The following SBNO1 variants were observed in gnomAD, a reference collection of about 807,000 sequenced individuals.
SBNO1 encodes the protein strawberry notch homolog 1.
A neutral mutation model predicts 173.6 loss-of-function variants in SBNO1; 23 were observed. The ratio of observed to expected loss-of-function variants is 0.13; its 90% CI spans 0.10 to 0.19. The LOEUF is 0.19. Ranked by LOEUF, SBNO1 falls within the 10% of genes least tolerant of loss-of-function variation. The probability of loss-of-function intolerance (pLI) is 1.00; values close to 1 mark genes in which losing one functional copy is unlikely to be tolerated. For synonymous variants in SBNO1, 632 were observed against 571.5 expected (o/e 1.11, Z -1.51); for missense variants, 1,238 against 1,671.2 (o/e 0.74, Z 4.52).
intron 31 of SBNO1, among the ~76,000 whole-genome samples, chr12:123,296,563 T>G (rs983125995): frequency 2.2e-4 from 34 of 151,422 alleles, no homozygotes; most frequent in Admixed American, 1.3e-4. Flanking sequence ...GTGTTTTTTT[T>G]TTTGTTTTTT....
Position 123,364,693 on chromosome 12 carries a change from G to C in SBNO1, c.-1+8C>G, listed in dbSNP as rs1034377535. ...TGGAAGGAGAAAAGGGCCAAGGGAA[G>C]GACTTACTTTCCCCGCGGGACCCGG... is the stretch of plus-strand genomic sequence containing the variant. On this transcript the variant is annotated splice_region_variant and intron_variant, in intron 1 of 31. Coordinates refer to ENST00000602398, the MANE Select transcript of SBNO1 (RefSeq NM_001167856.3). 2.0e-5 allele frequency: 20 copies of C among 983,886 alleles called. No individual in the cohort carries two copies. The highest frequency in any genetic ancestry group is 2.4e-5 in the Non-Finnish European group (20 of 828,656). 60.9% of individuals were successfully genotyped at this position (983,886 alleles called of 1,614,324 possible). A position where few individuals can be genotyped will look rare whatever the true frequency, so the allele number is the denominator to read the frequency against.
chr12:123,335,207 G>A (rs1024227725), intron 6 of SBNO1, among the ~76,000 whole-genome samples: 13 of 152,218 alleles, frequency 8.5e-5, no homozygotes, highest in Non-Finnish European at 2.9e-5. Context: ...GGGAGGCCAA[G>A]GTGGGTGGAT....
chr12:123,329,372 A>C (rs549989890), intron 9 of SBNO1, among the ~76,000 whole-genome samples: 11 of 144,658 alleles, frequency 7.6e-5, no homozygotes, highest in African/African-American at 3.0e-4. Context: ...CAGAGCTGAG[A>C]TCTTTTTTTT....
chr12:123,311,706 ATCTATCTATCTATC>A (rs1320301286), intron 24 of SBNO1, among the ~76,000 whole-genome samples: 2 of 60,936 alleles, frequency 3.3e-5, no homozygotes, highest in Admixed American at 1.6e-4. Context: ...CTATCTATCT[ATCTATCTATCTATC>A]TATATATATA....
At chr12:123,302,211 G>GCTTA (rs1337260382) in intron 30 of SBNO1, among the ~76,000 whole-genome samples, 1 of 150,626 alleles carries the variant, frequency 6.6e-6, no homozygotes, top group Non-Finnish European at 1.5e-5. Flanking sequence ...GGGATTACAG[G>GCTTA]CGTAAGCCAC....
In SBNO1 at chr12:123,290,442, A is replaced by C. The variant is rs1402265822; in HGVS notation, c.*5466T>G. 2.0e-5 allele frequency: 3 copies of C among 152,238 alleles called. No individual in the cohort carries two copies. Among genetic ancestry groups the C allele is most frequent in the Admixed American group, 6.5e-5 (1 of 15,284 alleles). The allele number at this position is 152,238 out of a possible 1,614,324, so 9.4% of individuals were successfully genotyped here. ...TACAGGTGCAAAATTGTGAACAAAT[A>C]CCCAATGTCTGCCTCCCGGGTGCTC... On this transcript the variant is annotated 3_prime_UTR_variant, in exon 32 of 32. Coordinates refer to ENST00000602398, the MANE Select transcript of SBNO1 (RefSeq NM_001167856.3).
At position 123,291,262 on chromosome 12, in the gene SBNO1, T is replaced by G. The variant is rs983184231; in HGVS notation, c.*4646A>C. 6.6e-6 allele frequency: 1 copy of G among 152,210 alleles called. No homozygotes were observed. The highest frequency in any genetic ancestry group is 2.4e-5 in the African/African-American group (1 of 41,456). 9.4% of individuals were successfully genotyped at this position (152,210 alleles called of 1,614,324 possible). ...AGGCCAGAAACCACTGTTTCAAATCTGCAAGATTTTCCTATCAGGTGGGAA... is the reference window on the plus strand; with the variant it reads ...AGGCCAGAAACCACTGTTTCAAATCGGCAAGATTTTCCTATCAGGTGGGAA... On this transcript the variant is annotated 3_prime_UTR_variant, in exon 32 of 32. Transcript: ENST00000602398.
At position 123,320,483 on chromosome 12, in the gene SBNO1, A is replaced by G. The variant is rs1869825103; in HGVS notation, c.2616T>C (p.Asn872=). Reference sequence around the variant, plus strand: ...GTTCATCGATAAGTTCATCCAGGGTATTAGGGGGGAGGTCTTCAGCTAATT... The same window carrying G: ...GTTCATCGATAAGTTCATCCAGGGTGTTAGGGGGGAGGTCTTCAGCTAATT... The part of the protein sequence containing the change: ...LEKLAEDLPP[N]TLDELIDELG... The change falls in exon 19 of 32, where the codon AAT becomes AAC. Residue 872 remains asparagine (N), a synonymous_variant. Coordinates refer to ENST00000602398, the MANE Select transcript of SBNO1 (RefSeq NM_001167856.3). The G allele has an allele frequency of 6.2e-7, 1 of 1,614,016 alleles. No homozygotes were observed. Among genetic ancestry groups the G allele is most frequent in the South Asian group, 1.1e-5 (1 of 91,066 alleles).
chr12:123,326,738 C>T (rs1870651517), intron 13 of SBNO1, among the ~76,000 whole-genome samples: 1 of 152,072 alleles, frequency 6.6e-6, no homozygotes, highest in African/African-American at 2.4e-5. Context: ...TCAGGCTGGG[C>T]AACACTGTAA....
chr12:123,331,096 G>A (rs1056445095), intron 8 of SBNO1, 146 bp downstream of exon 8: 9 of 669,094 alleles, frequency 1.3e-5, no homozygotes, highest in Non-Finnish European at 2.2e-5. Context: ...CTGAGTAGCT[G>A]GGACTACAGG....
chr12:123,299,780 G>A (rs778502638), intron 30 of SBNO1, among the ~76,000 whole-genome samples: 6 of 152,022 alleles, frequency 3.9e-5, no homozygotes, highest in Admixed American at 6.6e-5. Context: ...TTGAACCTGG[G>A]AGGCAGAAGG....
intron 6 of SBNO1, among the ~76,000 whole-genome samples, chr12:123,335,236 C>T (rs759128270): frequency 2.6e-5 from 4 of 152,116 alleles, no homozygotes; most frequent in Admixed American, 6.6e-5. Context: ...GTCAGGCATT[C>T]GAGACCAGCC....
At position 123,295,485 on chromosome 12, in the gene SBNO1, C is replaced by T. The variant is rs745906609; in HGVS notation, c.*423G>A. The T allele has an allele frequency of 1.9e-5, 3 of 154,828 alleles. No homozygotes were observed. The highest frequency in any genetic ancestry group is 4.3e-5 in the Non-Finnish European group (3 of 69,966). 9.6% of individuals were successfully genotyped at this position (154,828 alleles called of 1,614,324 possible). A position where few individuals can be genotyped will look rare whatever the true frequency, so the allele number is the denominator to read the frequency against. Reference sequence around the variant, plus strand: ...TTTATAGACTCAAAACACATGCATCCGGGGATACCTCCCACAGCAATGGCA... The same window carrying T: ...TTTATAGACTCAAAACACATGCATCTGGGGATACCTCCCACAGCAATGGCA... On this transcript the variant is annotated 3_prime_UTR_variant, in exon 32 of 32. Transcript: ENST00000602398.
intron 1 of SBNO1, among the ~76,000 whole-genome samples, chr12:123,352,410 G>A (rs1319540895): frequency 6.6e-6 from 1 of 151,478 alleles, no homozygotes; most frequent in Non-Finnish European, 1.5e-5. Flanking sequence ...CTCCCGGGCT[G>A]ATGCTCCTGC....
chr12:123,347,350 C>T (rs1054851416), intron 3 of SBNO1, among the ~76,000 whole-genome samples: 1 of 151,530 alleles, frequency 6.6e-6, no homozygotes, highest in African/African-American at 2.4e-5. Flanking sequence ...CCTCAGCCTC[C>T]CGAGTAGCTG....
At chr12:123,347,577 G>A (rs1011331421) in intron 3 of SBNO1, among the ~76,000 whole-genome samples, 9 of 151,536 alleles carry the variant, frequency 5.9e-5, no homozygotes, top group African/African-American at 2.2e-4. Context: ...CCAGGCTGGA[G>A]TGCAGTGGCT....
At chr12:123,309,014 G>A (rs1054541987) in intron 28 of SBNO1, among the ~76,000 whole-genome samples, 3 of 151,952 alleles carry the variant, frequency 2.0e-5, no homozygotes, top group Non-Finnish European at 4.4e-5. Context: ...AGGATGAGGT[G>A]AGCTGAGATC....
chr12:123,363,088 A>C (rs947885917), intron 1 of SBNO1, among the ~76,000 whole-genome samples: 15 of 152,144 alleles, frequency 9.9e-5, no homozygotes, highest in Admixed American at 8.5e-4. Flanking sequence ...CCTGTCTCAA[A>C]AATTTAAAAA....
chr12:123,298,280 T>C (rs2048671088), intron 30 of SBNO1, 109 bp from the exon 31 acceptor site: 1 of 1,142,648 alleles, frequency 8.8e-7, no homozygotes, highest in Non-Finnish European at 1.2e-6. Flanking sequence ...CTTTTTTTTT[T>C]GTTGAGATGG....
Sources: allele counts gnomAD v4.1 joint callset (sites outside exome capture counted in the v4.1 genomes callset), GRCh38; gene constraint gnomAD v4.1.1; transcripts MANE v1.5; gene names NCBI Gene and HGNC (gene_info 2026-07-23, HGNC 2026-07-21).